PRKAG2: variants seen among roughly 807,000 people sequenced by gnomAD.
PRKAG2 encodes protein kinase AMP-activated non-catalytic subunit gamma 2.
A neutral mutation model predicts 69.6 loss-of-function variants in PRKAG2; 26 were observed. The ratio of observed to expected loss-of-function variants is 0.37; its 90% CI spans 0.27 to 0.52. PRKAG2 has a LOEUF of 0.52. PRKAG2 is among the 20% of genes least tolerant of loss of function. The pLI, the probability that PRKAG2 is intolerant of heterozygous loss-of-function variation, is 0.90. For synonymous variants in PRKAG2, 293 were observed against 285.0 expected (o/e 1.03, Z -0.28); for missense variants, 557 against 740.0 (o/e 0.75, Z 2.87).
chr7:151,818,893 T>C (rs2078707347), intron 1 of PRKAG2, among the ~76,000 whole-genome samples: 1 of 152,230 alleles, frequency 6.6e-6, no homozygotes, highest in African/African-American at 2.4e-5. Flanking sequence ...TTGAGGCCAG[T>C]GCCCTGTACT....
chr7:151,799,047 G>A (rs868399355), intron 1 of PRKAG2, among the ~76,000 whole-genome samples: 7 of 152,124 alleles, frequency 4.6e-5, no homozygotes, highest in African/African-American at 1.2e-4. Flanking sequence ...CCTGCCGAGC[G>A]GTGCCTGTCA....
chr7:151,767,931 C>A lies in PRKAG2; in HGVS notation c.466+13221G>T, dbSNP rs190336495. ...CTCCACAGCCTCCTTTTTCTCTCAG[C>A]CATTTTCCTCTAGAAGCAGAGCCTG... On this transcript the variant is annotated intron_variant, in intron 3 of 15. Coordinates refer to ENST00000287878, the MANE Select transcript of PRKAG2 (RefSeq NM_016203.4). Among the ~76,000 whole-genome samples the A allele has an allele frequency of 2.0e-5, 3 of 152,324 alleles. No homozygotes were observed. In the East Asian group the frequency reaches 5.8e-4, roughly 29 times the overall value.
intron 3 of PRKAG2, among the ~76,000 whole-genome samples, chr7:151,754,479 C>T (rs954626272): frequency 4.6e-5 from 7 of 151,204 alleles, no homozygotes; most frequent in African/African-American, 9.8e-5. Context: ...GGCCAGTGAG[C>T]GGGGGGCCCA....
intron 1 of PRKAG2, among the ~76,000 whole-genome samples, chr7:151,862,171 T>C (rs1317886231): frequency 6.9e-6 from 1 of 144,478 alleles, no homozygotes; most frequent in African/African-American, 2.5e-5. Flanking sequence ...CCATGGCAGA[T>C]GCCTCCTGCC....
intron 3 of PRKAG2, among the ~76,000 whole-genome samples, chr7:151,726,314 A>T (rs542144562): frequency 6.6e-6 from 1 of 152,016 alleles, no homozygotes; most frequent in South Asian, 2.1e-4. Context: ...GCGCCAGGTT[A>T]GGAAGCCTGG....
At chr7:151,676,785 G>A (rs898189327) in intron 3 of PRKAG2, among the ~76,000 whole-genome samples, 6 of 152,176 alleles carry the variant, frequency 3.9e-5, no homozygotes, top group African/African-American at 1.4e-4. Context: ...GTCTAGATGA[G>A]ATTTTGCTGG....
intron 1 of PRKAG2, among the ~76,000 whole-genome samples, chr7:151,803,577 T>C (rs1173641017): frequency 1.3e-5 from 2 of 152,224 alleles, no homozygotes; most frequent in Non-Finnish European, 2.9e-5. Context: ...TTGAAAATGA[T>C]ATCCTACTCC....
chr7:151,737,376 C>G (rs2073511521), intron 3 of PRKAG2, among the ~76,000 whole-genome samples: 1 of 150,582 alleles, frequency 6.6e-6, no homozygotes, highest in Non-Finnish European at 1.5e-5. Context: ...TAGCCTAGTT[C>G]CAACAGTCTG....
chr7:151,815,332 C>A (rs1393674727), intron 1 of PRKAG2, among the ~76,000 whole-genome samples: 1 of 152,152 alleles, frequency 6.6e-6, no homozygotes, highest in African/African-American at 2.4e-5. Context: ...CCTCCCAGGG[C>A]TGGGCAATTC....
intron 5 of PRKAG2, among the ~76,000 whole-genome samples, chr7:151,627,973 C>T (rs1210001599): frequency 2.6e-5 from 4 of 152,178 alleles, no homozygotes; most frequent in African/African-American, 9.7e-5. Flanking sequence ...CTGGATTCTA[C>T]TTTGGAAAAT....
At chr7:151,596,046 A>G in intron 5 of PRKAG2, among the ~76,000 whole-genome samples, 1 of 147,554 alleles carries the variant, frequency 6.8e-6, no homozygotes, top group African/African-American at 2.7e-5. Flanking sequence ...ATAAAGGGGA[A>G]AAAAAAGACC....
At chr7:151,649,980 C>T (rs1170996180) in intron 4 of PRKAG2, among the ~76,000 whole-genome samples, 1 of 152,142 alleles carries the variant, frequency 6.6e-6, no homozygotes, top group African/African-American at 2.4e-5. Flanking sequence ...TCCCCCTCAC[C>T]TCCCCGACAC....
intron 1 of PRKAG2, among the ~76,000 whole-genome samples, chr7:151,846,543 G>A (rs565643165): frequency 1.3e-5 from 2 of 152,336 alleles, no homozygotes; most frequent in South Asian, 4.2e-4. Flanking sequence ...GTGAATGGCT[G>A]CAATTTGGAA....
chr7:151,779,586 C>T (rs983777687), intron 3 of PRKAG2, among the ~76,000 whole-genome samples: 17 of 152,352 alleles, frequency 1.1e-4, no homozygotes, highest in South Asian at 4.1e-4. Flanking sequence ...CTCTCCGCCC[C>T]GCTCAGAAAG....
At chr7:151,576,548 T>G (rs1808978526) in intron 6 of PRKAG2, 96 bp from the exon 7 acceptor site, 10 of 1,057,792 alleles carry the variant, frequency 9.5e-6, no homozygotes, top group Non-Finnish European at 1.4e-5. Context: ...TTGCCCAGGC[T>G]GGAGTGCAGT....
chr7:151,870,154 TAGGCAGGCA>T (rs1289645589), intron 1 of PRKAG2, among the ~76,000 whole-genome samples: 4 of 138,322 alleles, frequency 2.9e-5, no homozygotes, highest in African/African-American at 1.1e-4. Flanking sequence ...GATAGATAGA[TAGGCAGGCA>T]GGCAGGCAGG....
At chr7:151,772,980 TGAATGAAA>T (rs2076090446) in intron 3 of PRKAG2, among the ~76,000 whole-genome samples, 1 of 108,724 alleles carries the variant, frequency 9.2e-6, no homozygotes, top group African/African-American at 3.9e-5. Context: ...TGTCTCTAAA[TGAATGAAA>T]GAAAGAAAGA....
chr7:151,577,092 GTTA>G (rs1369400559), intron 6 of PRKAG2, among the ~76,000 whole-genome samples: 47 of 151,680 alleles, frequency 3.1e-4, no homozygotes, highest in African/African-American at 1.1e-3. Flanking sequence ...CCTACATGTG[GTTA>G]TTAATTCATC....
chr7:151,769,835 T>C (rs1434717319), intron 3 of PRKAG2, among the ~76,000 whole-genome samples: 5 of 152,170 alleles, frequency 3.3e-5, no homozygotes, highest in African/African-American at 4.8e-5. Flanking sequence ...CCCCACCCCA[T>C]AGAGTGGGCA....
Sources: gnomAD v4.1 joint callset for allele counts (sites outside exome capture counted in the v4.1 genomes callset) on GRCh38, gnomAD v4.1.1 for gene constraint, MANE v1.5 for transcripts, NCBI Gene and HGNC (gene_info 2026-07-23, HGNC 2026-07-21) for gene names.